Variants in ATP8A1 observed in about 807,000 individuals in gnomAD.
The protein encoded by ATP8A1 is phospholipid-transporting ATPase IA.
Under a neutral mutation model 177.7 loss-of-function variants are expected in ATP8A1, and 90 were observed. The observed-to-expected ratio is 0.51, with a 90% CI of 0.43 to 0.60. ATP8A1 has a LOEUF of 0.60. Ranked by LOEUF, ATP8A1 falls within the 20% of genes least tolerant of loss-of-function variation. The pLI, the probability that ATP8A1 is intolerant of heterozygous loss-of-function variation, is 0.00. For synonymous variants in ATP8A1, 493 were observed against 485.9 expected, an observed-to-expected ratio of 1.01 and a Z score of -0.19; for missense variants, 1,072 against 1,392.8, an observed-to-expected ratio of 0.77 and a Z score of 3.67.
At chr4:42,654,060 C>G (rs1044468461) in intron 1 of ATP8A1, among the ~76,000 whole-genome samples, 4 of 152,208 alleles carry the variant, frequency 2.6e-5, no homozygotes, top group African/African-American at 9.7e-5. Context: ...TCTGGCCCCA[C>G]TCCAGACCTC....
intron 24 of ATP8A1, among the ~76,000 whole-genome samples, chr4:42,488,312 G>A (rs560075061): frequency 8.7e-4 from 132 of 152,104 alleles, no homozygotes; most frequent in Non-Finnish European, 2.5e-4. Context: ...TCAGTTCCTT[G>A]CTTAAAAATA....
intron 33 of ATP8A1, among the ~76,000 whole-genome samples, chr4:42,442,117 T>C (rs958890665): frequency 6.6e-6 from 1 of 152,202 alleles, no homozygotes; most frequent in Non-Finnish European, 1.5e-5. Context: ...AAAACCTCAG[T>C]TCTTGTCATC....
chr4:42,556,074 C>G, intron 15 of ATP8A1, 34 bp from the exon 16 acceptor site: 1 of 1,449,338 alleles, frequency 6.9e-7, no homozygotes, highest in Non-Finnish European at 9.6e-7. Flanking sequence ...AAACCCAGTT[C>G]ATTTATACCA....
chr4:42,575,721 C>T, intron 12 of ATP8A1, 22 bp from the exon 13 acceptor site: 1 of 1,586,084 alleles, frequency 6.3e-7, no homozygotes, highest in South Asian at 1.1e-5. Context: ...TTAAGTAAAT[C>T]ATTGAACACA....
At chr4:42,565,082 G>T (rs12641843) in intron 15 of ATP8A1, among the ~76,000 whole-genome samples, 27,613 of 152,146 alleles carry the variant, frequency 0.18, 2,773 homozygotes, top group East Asian at 0.36. Context: ...TGCCATGATT[G>T]TGAGGCTTCC....
In ATP8A1 at chr4:42,469,603, C is replaced by G. The variant is rs1321891304; in HGVS notation, c.2325-4527G>C. 3.3e-5 allele frequency among the ~76,000 whole-genome samples: 5 copies of G among 152,282 alleles called. No homozygotes were observed. In the East Asian group the frequency reaches 9.6e-4, roughly 29 times the overall value. The stretch of plus-strand genomic sequence containing the variant: ...TATGATTGCCCCTCTTTGATAATTT[C>G]AGAAATCAACATGGGCTTTAAGAGG... On this transcript the variant is annotated intron_variant, in intron 25 of 36. Transcript: ENST00000381668.
At chr4:42,419,160 T>TTCAACAATCCTTTCTCCTAC (rs1363903998) in intron 35 of ATP8A1, among the ~76,000 whole-genome samples, 1 of 152,244 alleles carries the variant, frequency 6.6e-6, no homozygotes, top group East Asian at 1.9e-4. Flanking sequence ...CAACCATCAA[T>TTCAACAATCCTTTCTCCTAC]TCAACAATCC....
chr4:42,456,473 T>C (rs1035820754), intron 27 of ATP8A1, among the ~76,000 whole-genome samples: 2 of 152,174 alleles, frequency 1.3e-5, no homozygotes, highest in African/African-American at 4.8e-5. Flanking sequence ...AGCATAATGT[T>C]CTTATATATT....
chr4:42,504,840 C>T (rs1287676589), intron 23 of ATP8A1, among the ~76,000 whole-genome samples: 1 of 152,230 alleles, frequency 6.6e-6, no homozygotes, highest in African/African-American at 2.4e-5. Context: ...AGGCCCCGTC[C>T]ACCCTGGACA....
intron 16 of ATP8A1, among the ~76,000 whole-genome samples, chr4:42,554,865 T>C (rs1577575393): frequency 6.6e-6 from 1 of 152,170 alleles, no homozygotes; most frequent in Non-Finnish European, 1.5e-5. Flanking sequence ...GCTGCCAGCA[T>C]GGCCAGAATA....
At chr4:42,529,648 A>G (rs1727061746) in intron 20 of ATP8A1, among the ~76,000 whole-genome samples, 1 of 152,148 alleles carries the variant, frequency 6.6e-6, no homozygotes, top group Non-Finnish European at 1.5e-5. Flanking sequence ...GTTCCCTATG[A>G]TCCAGTTGAC....
At chr4:42,655,258 A>G (rs1021732937) in intron 1 of ATP8A1, among the ~76,000 whole-genome samples, 2 of 152,236 alleles carry the variant, frequency 1.3e-5, no homozygotes, top group East Asian at 1.9e-4. Context: ...ACCTTCACCA[A>G]CCTCCAGGAG....
chr4:42,614,592 C>T (rs1003354815), intron 5 of ATP8A1, among the ~76,000 whole-genome samples: 7 of 152,134 alleles, frequency 4.6e-5, no homozygotes, highest in Non-Finnish European at 1.0e-4. Flanking sequence ...CCCACATGTT[C>T]GGCCTGTCTC....
chr4:42,578,410 C>A (rs759040961), intron 11 of ATP8A1, 23 bp from the exon 12 acceptor site: 1 of 1,603,980 alleles, frequency 6.2e-7, no homozygotes, highest in East Asian at 2.2e-5. Context: ...GCAGGAAGAA[C>A]GTCATTTACA....
At chr4:42,552,134 T>C (rs1400172995) in intron 17 of ATP8A1, among the ~76,000 whole-genome samples, 1 of 152,230 alleles carries the variant, frequency 6.6e-6, no homozygotes, top group Non-Finnish European at 1.5e-5. Flanking sequence ...GCTTACTATA[T>C]TCAGGCGAAC....
At position 42,657,098 on chromosome 4, in the gene ATP8A1, G is replaced by T. The variant is rs1027092734; in HGVS notation, c.-225C>A. On this transcript the variant is annotated 5_prime_UTR_variant, in exon 1 of 37. Coordinates refer to ENST00000381668, the MANE Select transcript of ATP8A1 (RefSeq NM_006095.2). ...GGTGGCGGCGCCCGCAGAGCTGGGCGAGCTCTTGCTGCAGCCGCGGAGGGG... is the reference window on the plus strand; with the variant it reads ...GGTGGCGGCGCCCGCAGAGCTGGGCTAGCTCTTGCTGCAGCCGCGGAGGGG... 36 of 388,072 alleles carry T rather than the reference G, an allele frequency of 9.3e-5. No individual in the cohort carries two copies. Among genetic ancestry groups the T allele is most frequent in the African/African-American group, 5.8e-4 (27 of 46,724 alleles). The allele number at this position is 388,072 out of a possible 1,614,324, so 24.0% of individuals were successfully genotyped here.
rs1168902741 is a variant in ATP8A1 at position 42,522,033 on chromosome 4, G to C, written c.1947+127C>G. 1.4e-5 allele frequency: 14 copies of C among 1,032,698 alleles called. No individual in the cohort carries two copies. The South Asian group carries it at 2.3e-4, about 17-fold the overall frequency. 64.0% of individuals were successfully genotyped at this position (1,032,698 alleles called of 1,614,324 possible). On this transcript the variant is annotated intron_variant, in intron 22 of 36. Transcript: ENST00000381668. The stretch of plus-strand genomic sequence containing the variant: ...TAATACTTGTTAATGCTTAGATGAT[G>C]AGAGGGTATTCAATAGTGAATGGTA...
chr4:42,585,777 T>C (rs1733556552), intron 9 of ATP8A1, among the ~76,000 whole-genome samples: 1 of 151,738 alleles, frequency 6.6e-6, no homozygotes, highest in Admixed American at 6.6e-5. Flanking sequence ...ACTGGTTGAA[T>C]GAATGAGGGA....
chr4:42,601,867 T>TA (rs1735306877), intron 5 of ATP8A1, among the ~76,000 whole-genome samples: 1 of 152,114 alleles, frequency 6.6e-6, no homozygotes, highest in Non-Finnish European at 1.5e-5. Flanking sequence ...CCCAAAATGT[T>TA]AAACAGCAAA....
Sources: allele counts gnomAD v4.1 joint callset (sites outside exome capture counted in the v4.1 genomes callset), GRCh38; gene constraint gnomAD v4.1.1; transcripts MANE v1.5; gene names NCBI Gene and HGNC (gene_info 2026-07-23, HGNC 2026-07-21).